The following UNC5A variants were observed in gnomAD, a reference collection of about 807,000 sequenced individuals.
UNC5A encodes the protein netrin receptor UNC5A.
UNC5A carries 20 observed loss-of-function variants against 87.4 expected under a neutral mutation model. The observed-to-expected ratio is 0.23, with a 90% CI of 0.16 to 0.33. The LOEUF is 0.33. UNC5A is among the 10% of genes least tolerant of loss of function. The probability of loss-of-function intolerance (pLI) is 1.00; values close to 1 mark genes in which losing one functional copy is unlikely to be tolerated. For synonymous variants in UNC5A, 438 were observed against 482.3 expected (o/e 0.91, Z 1.20); for missense variants, 844 against 1,133.4 (o/e 0.74, Z 3.67).
rs1040950288 is a variant in UNC5A at position 176,824,435 on chromosome 5, T to C, written c.70+13615T>C. Among the ~76,000 whole-genome samples the C allele has an allele frequency of 1.3e-5, 2 of 151,972 alleles. No homozygotes were observed. The highest frequency in any genetic ancestry group is 2.9e-5 in the Non-Finnish European group (2 of 67,988). On this transcript the variant is annotated intron_variant, in intron 1 of 14. Transcript: ENST00000329542. The surrounding 1 kb of genome is among the most constrained non-coding windows in gnomAD (Gnocchi z 4.2). Reference sequence around the variant, plus strand: ...GAGTTGGGTTTCTGTGTCCTGCACCTGAAAGGGGCCTGACCGAGGATCTTA... The same window carrying C: ...GAGTTGGGTTTCTGTGTCCTGCACCCGAAAGGGGCCTGACCGAGGATCTTA...
At chr5:176,860,444 C>G (rs1263162879) in intron 1 of UNC5A, among the ~76,000 whole-genome samples, 1 of 152,208 alleles carries the variant, frequency 6.6e-6, no homozygotes. Flanking sequence ...CGTGGGAGGA[C>G]CATGTGGGAG....
Position 176,878,118 on chromosome 5 carries a change from T to C in UNC5A, c.1860T>C (p.Asp620=). ...IRVYCLHDTH[D]ALKEVVQLEK... Reference sequence around the variant, plus strand: ...TCTACTGCCTGCATGACACCCACGATGCACTCAAGGTATCTCCCGCCCCTC... The same window carrying C: ...TCTACTGCCTGCATGACACCCACGACGCACTCAAGGTATCTCCCGCCCCTC... Residue 620 remains aspartate (D), a synonymous_variant, in exon 11 of 15, where the codon GAT becomes GAC. Coordinates refer to ENST00000329542, the MANE Select transcript of UNC5A (RefSeq NM_133369.3). The C allele has an allele frequency of 6.2e-7, 1 of 1,608,536 alleles. No homozygotes were observed. The highest frequency in any genetic ancestry group is 2.2e-5 in the East Asian group (1 of 44,856).
chr5:176,812,354 G>A (rs1756480501), intron 1 of UNC5A, among the ~76,000 whole-genome samples: 1 of 152,294 alleles, frequency 6.6e-6, no homozygotes, highest in Admixed American at 6.5e-5. Flanking sequence ...TGCTTTTGAG[G>A]GCTGTGTGGT....
In UNC5A at chr5:176,848,699, C is replaced by T. The variant is rs2113632469; in HGVS notation, c.71-13925C>T. ...CTCAGGGGTCCCCTCTCTGGAGTCC[C>T]CCACCTGGACTCGCCTGTGCCGCTG... On this transcript the variant is annotated intron_variant, in intron 1 of 14. Transcript: ENST00000329542. This position sits in a 1 kb window ranked among gnomAD's most constrained non-coding sequence, Gnocchi z 5.8. 6.6e-6 allele frequency among the ~76,000 whole-genome samples: 1 copy of T among 152,272 alleles called. No individual in the cohort carries two copies. Among genetic ancestry groups the T allele is most frequent in the African/African-American group, 2.4e-5 (1 of 41,554 alleles).
At chr5:176,847,358 G>A (rs1757435597) in intron 1 of UNC5A, among the ~76,000 whole-genome samples, 1 of 152,182 alleles carries the variant, frequency 6.6e-6, no homozygotes, top group African/African-American at 2.4e-5. Context: ...GGCTGACCCC[G>A]CCCTCCCTCC....
At chr5:176,867,606 A>G (rs907646323) in intron 2 of UNC5A, among the ~76,000 whole-genome samples, 3 of 152,222 alleles carry the variant, frequency 2.0e-5, no homozygotes, top group Non-Finnish European at 2.9e-5. Context: ...GGGCGCTAGC[A>G]TCATACTACA....
chr5:176,811,091 G>T (rs1438829581), intron 1 of UNC5A, among the ~76,000 whole-genome samples: 1 of 152,224 alleles, frequency 6.6e-6, no homozygotes, highest in African/African-American at 2.4e-5. Flanking sequence ...GGTGGGGGAA[G>T]TTTGCTGGTT....
chr5:176,840,072 G>A (rs930470540), intron 1 of UNC5A, among the ~76,000 whole-genome samples: 4 of 152,140 alleles, frequency 2.6e-5, no homozygotes, highest in Non-Finnish European at 5.9e-5. Flanking sequence ...GGCCAGGCTA[G>A]TCTTGAACTC....
intron 1 of UNC5A, among the ~76,000 whole-genome samples, chr5:176,829,185 GAT>G (rs1756929839): frequency 8.1e-5 from 2 of 24,754 alleles, no homozygotes; most frequent in Non-Finnish European, 1.8e-3. Flanking sequence ...TGGATGGATG[GAT>G]GGATGGATGG....
intron 1 of UNC5A, among the ~76,000 whole-genome samples, chr5:176,846,310 G>A (rs949801043): frequency 5.3e-5 from 8 of 152,230 alleles, no homozygotes; most frequent in Admixed American, 1.3e-4. Context: ...ATGGCTAGGC[G>A]GAGGTGGAAG....
At chr5:176,830,826 A>C in intron 1 of UNC5A, among the ~76,000 whole-genome samples, 1 of 64,900 alleles carries the variant, frequency 1.5e-5, no homozygotes, top group Non-Finnish European at 3.0e-5. Flanking sequence ...GTGCGCTGGC[A>C]TGTATGTGCT....
intron 1 of UNC5A, among the ~76,000 whole-genome samples, chr5:176,823,679 G>C (rs1182593310): frequency 1.3e-5 from 2 of 151,894 alleles, no homozygotes; most frequent in Non-Finnish European, 2.9e-5. Context: ...GCCTCCACAG[G>C]GGGGCTCTAT....
At chr5:176,873,884 A>G (rs1758192258) in intron 6 of UNC5A, 84 bp from the exon 7 acceptor site, 3 of 1,473,564 alleles carry the variant, frequency 2.0e-6, no homozygotes, top group Non-Finnish European at 2.8e-6. Flanking sequence ...TGCAGACCTC[A>G]TCCTCCTGGG....
chr5:176,811,737 GGTGGTGGGGGGTGGGTGCCATTTGT>G (rs972615568), intron 1 of UNC5A, among the ~76,000 whole-genome samples: 8 of 152,096 alleles, frequency 5.3e-5, no homozygotes, highest in Non-Finnish European at 1.2e-4. Context: ...ATGTGTCTGT[GGTGGTGGGGGGTGGGTGCCATTTGT>G]GTGGTCAAGG....
At position 176,810,909 on chromosome 5, in the gene UNC5A, C is replaced by T. The variant is rs1459081929; in HGVS notation, c.70+89C>T. On this transcript the variant is annotated intron_variant, in intron 1 of 14. Coordinates refer to ENST00000329542, the MANE Select transcript of UNC5A (RefSeq NM_133369.3). This position sits in a 1 kb window ranked among gnomAD's most constrained non-coding sequence, Gnocchi z 7.3. Reference sequence around the variant, plus strand: ...CTCTGGGGGTCCCTGACCAGCGCTGCCAGACCCGGCTGGGAGCCCCCCGAG... The same window carrying T: ...CTCTGGGGGTCCCTGACCAGCGCTGTCAGACCCGGCTGGGAGCCCCCCGAG... 3 of 1,123,694 alleles carry T rather than the reference C, an allele frequency of 2.7e-6. No individual in the cohort carries two copies. The highest frequency in any genetic ancestry group is 3.3e-6 in the Non-Finnish European group (3 of 908,652). 69.6% of individuals were successfully genotyped at this position (1,123,694 alleles called of 1,614,324 possible). A position where few individuals can be genotyped will look rare whatever the true frequency, so the allele number is the denominator to read the frequency against.
chr5:176,839,350 C>A (rs1326107140), intron 1 of UNC5A, among the ~76,000 whole-genome samples: 1 of 152,268 alleles, frequency 6.6e-6, no homozygotes, highest in Non-Finnish European at 1.5e-5. Context: ...AAACCTAGAG[C>A]TCTGTGGCAG....
At chr5:176,819,483 T>C (rs773282109) in intron 1 of UNC5A, among the ~76,000 whole-genome samples, 2 of 152,154 alleles carry the variant, frequency 1.3e-5, no homozygotes, top group Non-Finnish European at 2.9e-5. Flanking sequence ...GCCAAGATCC[T>C]TCCCTCATCT....
intron 8 of UNC5A, among the ~76,000 whole-genome samples, chr5:176,876,876 C>T (rs1758273868): frequency 6.6e-6 from 1 of 152,206 alleles, no homozygotes; most frequent in Non-Finnish European, 1.5e-5. Flanking sequence ...GCAAGGGATA[C>T]CCTGGTCCCC....
At position 176,874,385 on chromosome 5, in the gene UNC5A, G is replaced by A; in HGVS notation, c.1197G>A (p.Leu399=). 6.2e-7 allele frequency: 1 copy of A among 1,613,650 alleles called. No homozygotes were observed. Among genetic ancestry groups the A allele is most frequent in the Non-Finnish European group, 8.5e-7 (1 of 1,179,932 alleles). Residue 399 remains leucine (L), a synonymous_variant, in exon 8 of 15, where the codon CTG becomes CTA. Coordinates refer to ENST00000329542, the MANE Select transcript of UNC5A (RefSeq NM_133369.3). The surrounding 1 kb of genome is among the most constrained non-coding windows in gnomAD (Gnocchi z 7.6). The part of the protein sequence containing the change: ...SPKFQLTNGH[L]LSPLGGGRHT... ...AGTTCCAGCTCACCAATGGGCACCT[G>A]CTCAGCCCCCTGGGTGGCGGCCGCC...
Sources: gnomAD v4.1 joint callset for allele counts (sites outside exome capture counted in the v4.1 genomes callset) on GRCh38, gnomAD v4.1.1 for gene constraint, Gnocchi (gnomAD v3.1) non-coding constraint, MANE v1.5 for transcripts, NCBI Gene and HGNC (gene_info 2026-07-23, HGNC 2026-07-21) for gene names.